Variants in SPIB observed in about 807,000 individuals in gnomAD.
The protein encoded by SPIB is transcription factor Spi-B.
Under a neutral mutation model 31.9 loss-of-function variants are expected in SPIB, and 7 were observed. The ratio of observed to expected loss-of-function variants is 0.22; its 90% CI spans 0.12 to 0.41. The LOEUF (loss-of-function observed/expected upper bound fraction) is 0.41, where lower values mean the gene tolerates loss of function less well. Ranked by LOEUF, SPIB falls within the 10% of genes least tolerant of loss-of-function variation. The pLI is 1.00. For missense variants in SPIB, 327 were observed against 360.2 expected (o/e 0.91, Z 0.75); for synonymous variants, 176 against 158.9 (o/e 1.11, Z -0.81).
chr19:50,422,726 T>C, intron 3 of SPIB, 97 bp from the exon 4 acceptor site: 1 of 1,091,910 alleles, frequency 9.2e-7, no homozygotes. Context: ...GGTCAGAGAT[T>C]TGCACAGCCT....
chr19:50,420,355 A>G (rs759616192), intron 2 of SPIB, among the ~76,000 whole-genome samples: 1 of 152,200 alleles, frequency 6.6e-6, no homozygotes, highest in East Asian at 1.9e-4. Context: ...ATGTGGTTGA[A>G]AGAAAGCCCC....
intron 3 of SPIB, 57 bp downstream of exon 3, chr19:50,422,602 G>T: frequency 6.3e-7 from 1 of 1,578,676 alleles, no homozygotes; most frequent in Non-Finnish European, 8.7e-7. Flanking sequence ...ACAGATAGGG[G>T]AGCTGAGGCC....
intron 5 of SPIB, among the ~76,000 whole-genome samples, chr19:50,426,913 T>G (rs1056549759): frequency 1.3e-5 from 2 of 151,620 alleles, no homozygotes; most frequent in Non-Finnish European, 2.9e-5. Flanking sequence ...GAGGATCACC[T>G]GAGGCCAGGA....
chr19:50,427,860 C>CG (rs2039585663), intron 5 of SPIB, among the ~76,000 whole-genome samples, 178 bp from the exon 6 acceptor site: 1 of 36,464 alleles, frequency 2.7e-5, no homozygotes, highest in African/African-American at 1.0e-4. Flanking sequence ...AGTGGCTTGC[C>CG]CCCCCCCCCC....
rs59236153 is a variant in SPIB at position 50,423,204 on chromosome 19, CAAAAAAAAAA to C, written c.339+176_339+185del. 1.6e-4 allele frequency: 45 copies of C among 285,234 alleles called. No homozygotes were observed. The Middle Eastern group carries it at 2.7e-3, about 17-fold the overall frequency. 17.7% of individuals were successfully genotyped at this position (285,234 alleles called of 1,614,324 possible). A position where few individuals can be genotyped will look rare whatever the true frequency, so the allele number is the denominator to read the frequency against. On this transcript the variant is annotated intron_variant, in intron 4 of 5. Coordinates refer to ENST00000595883, the MANE Select transcript of SPIB (RefSeq NM_003121.5). Reference sequence around the variant, plus strand: ...TGGGCAACAGAGCAAGACCCTGTCTCAAAAAAAAAAAAAAAAAAGAAAAAGAAAAGAAAAC... The same window carrying C: ...TGGGCAACAGAGCAAGACCCTGTCTCAAAAAAAAGAAAAAGAAAAGAAAAC...
intron 5 of SPIB, among the ~76,000 whole-genome samples, chr19:50,425,416 C>G (rs1428404522): frequency 1.3e-5 from 2 of 152,114 alleles, no homozygotes; most frequent in Admixed American, 1.3e-4. Context: ...CTAGGAAAGA[C>G]ACAAGATGGA....
chr19:50,428,334 T>G lies in SPIB; in HGVS notation c.787T>G (p.Ter263GlyextTer31), dbSNP rs1241636941. The G allele has an allele frequency of 3.1e-5, 48 of 1,541,854 alleles. No individual in the cohort carries two copies. The highest frequency in any genetic ancestry group is 4.2e-5 in the Non-Finnish European group (48 of 1,141,786). ...GCTGCTGCCTGCAGTCCGCCGGGCCTGAGCACACCCGAGGCTCCCACCTGC... is the reference window on the plus strand; with the variant it reads ...GCTGCTGCCTGCAGTCCGCCGGGCCGGAGCACACCCGAGGCTCCCACCTGC... ...SALLPAVRRA* is the reference protein window; with the variant it reads ...SALLPAVRRAG Residue 263 changes from the stop codon to glycine (G), a stop_lost, in exon 6 of 6, where the codon TGA becomes GGA. Coordinates refer to ENST00000595883, the MANE Select transcript of SPIB (RefSeq NM_003121.5). The surrounding 1 kb of genome is among the most constrained non-coding windows in gnomAD (Gnocchi z 6.5).
chr19:50,419,325 G>C (rs2122536249), intron 1 of SPIB, among the ~76,000 whole-genome samples: 1 of 152,168 alleles, frequency 6.6e-6, no homozygotes, highest in African/African-American at 2.4e-5. Context: ...GCATCTCCCA[G>C]CTCTCAACAT....
chr19:50,424,407 G>A (rs1321252410), intron 5 of SPIB, among the ~76,000 whole-genome samples: 1 of 152,346 alleles, frequency 6.6e-6, no homozygotes, highest in East Asian at 1.9e-4. Flanking sequence ...AGCACTTTGG[G>A]AGGCTGAGGC....
In SPIB at chr19:50,428,183, G is replaced by T; in HGVS notation, c.636G>T (p.Trp212Cys). 2 of 1,590,936 alleles carry T rather than the reference G, an allele frequency of 1.3e-6. No individual in the cohort carries two copies. The highest frequency in any genetic ancestry group is 2.3e-5 in the East Asian group (1 of 43,926). The change falls in exon 6 of 6, where the codon TGG becomes TGT. Residue 212 changes from tryptophan (W) to cysteine (C), a missense_variant. This residue lies in a region of SPIB where 54 missense variants were observed against 69.5 expected (regional missense o/e 0.78). Coordinates refer to ENST00000595883, the MANE Select transcript of SPIB (RefSeq NM_003121.5). The surrounding 1 kb of genome is among the most constrained non-coding windows in gnomAD (Gnocchi z 6.5). ...SKHKELLARR[W>C]GQQKGNRKRM... ...ACAAGGAACTCCTGGCGCGCCGCTG[G>T]GGCCAGCAGAAGGGGAACCGCAAGC...
In SPIB at chr19:50,423,651, C is replaced by T. The variant is rs962566416; in HGVS notation, c.386C>T (p.Ser129Leu). The change falls in exon 5 of 6, where the codon TCA becomes TTA. Residue 129 changes from serine to leucine, a missense_variant. Ser to Leu is a moderately radical substitution (Grantham distance 145). Transcript: ENST00000595883. ...AYAPYPSPVL[S>L]EEEDLPLDSP... ...GCCCCGTACCCCAGCCCTGTGCTAT[C>T]AGAGGAGGAAGACTTACCGTTGGAC... is the stretch of plus-strand genomic sequence containing the variant. 1.2e-6 allele frequency: 2 copies of T among 1,613,978 alleles called. No homozygotes were observed. Among genetic ancestry groups the T allele is most frequent in the Non-Finnish European group, 1.7e-6 (2 of 1,180,020 alleles).
At position 50,422,928 on chromosome 19, in the gene SPIB, G is replaced by A; in HGVS notation, c.230G>A (p.Cys77Tyr). The change falls in exon 4 of 6, where the codon TGC becomes TAC. Residue 77 changes from cysteine (C) to tyrosine (Y), a missense_variant. Cys to Tyr is a radical substitution (Grantham distance 194). This residue lies in a region of SPIB where 238 missense variants were observed against 228.8 expected (regional missense o/e 1.04). Transcript: ENST00000595883. The stretch of plus-strand genomic sequence containing the variant: ...AGCCACCCCCAGGCTGCCCAGCTCT[G>A]CTACGAACCCCCCACCTACAGCCCT... ...AFSHPQAAQL[C>Y]YEPPTYSPAG... 6.2e-7 allele frequency: 1 copy of A among 1,601,438 alleles called. No homozygotes were observed. The highest frequency in any genetic ancestry group is 8.5e-7 in the Non-Finnish European group (1 of 1,170,722).
Position 50,429,082 on chromosome 19 carries a change from G to GGACA in SPIB, c.*747_*750dup, listed in dbSNP as rs2039606796. The GGACA allele has an allele frequency of 6.6e-6, 1 of 152,058 alleles. No homozygotes were observed. The highest frequency in any genetic ancestry group is 6.6e-5 in the Admixed American group (1 of 15,258). 9.4% of individuals were successfully genotyped at this position (152,058 alleles called of 1,614,324 possible). Reference sequence around the variant, plus strand: ...ATGTGTCATGTCTGGGCCCTGTCAGGGACACCCTTGTTATATCTGGGATCC... The same window carrying GGACA: ...ATGTGTCATGTCTGGGCCCTGTCAGGGACAGACACCCTTGTTATATCTGGGATCC... On this transcript the variant is annotated 3_prime_UTR_variant, in exon 6 of 6. Transcript: ENST00000595883.
In SPIB at chr19:50,430,007, A is replaced by C. The variant is rs2039621074; in HGVS notation, c.*1671A>C. 6.6e-6 allele frequency: 1 copy of C among 152,316 alleles called. No individual in the cohort carries two copies. The highest frequency in any genetic ancestry group is 1.5e-5 in the Non-Finnish European group (1 of 68,126). The allele number at this position is 152,316 out of a possible 1,614,324, so 9.4% of individuals were successfully genotyped here. A position where few individuals can be genotyped will look rare whatever the true frequency, so the allele number is the denominator to read the frequency against. On this transcript the variant is annotated 3_prime_UTR_variant, in exon 6 of 6. Transcript: ENST00000595883. ...ACAGAGCGAGACTCCGTCTGAAAAT[A>C]AAAACAACAAAAACAGCAGACCATT...
chr19:50,425,372 A>G (rs771992353), intron 5 of SPIB, among the ~76,000 whole-genome samples: 9 of 152,212 alleles, frequency 5.9e-5, no homozygotes, highest in Non-Finnish European at 8.8e-5. Context: ...ATTTTAACTT[A>G]GGACATTTAA....
At chr19:50,426,288 G>A (rs1006496271) in intron 5 of SPIB, among the ~76,000 whole-genome samples, 1 of 152,064 alleles carries the variant, frequency 6.6e-6, no homozygotes. Flanking sequence ...GTGCCTGAGA[G>A]GGGGTCACTG....
intron 2 of SPIB, 84 bp downstream of exon 2, chr19:50,420,057 C>A: frequency 8.4e-7 from 1 of 1,188,992 alleles, no homozygotes; most frequent in Non-Finnish European, 1.1e-6. Flanking sequence ...GCCTCAGTTT[C>A]CCCTCCCACC....
At position 50,431,172 on chromosome 19, in the gene SPIB, C is replaced by A. The variant is rs1031351025; in HGVS notation, c.*2836C>A. On this transcript the variant is annotated 3_prime_UTR_variant, in exon 6 of 6. Transcript: ENST00000595883. ...AGGAGTTCAAAGAGAGAATTATATGCTGGCGCGGTGGCTCTGTAATCCCAA... is the reference window on the plus strand; with the variant it reads ...AGGAGTTCAAAGAGAGAATTATATGATGGCGCGGTGGCTCTGTAATCCCAA... 2 of 152,178 alleles carry A rather than the reference C, an allele frequency of 1.3e-5. No homozygotes were observed. Among genetic ancestry groups the A allele is most frequent in the African/African-American group, 4.8e-5 (2 of 41,408 alleles). 9.4% of individuals were successfully genotyped at this position (152,178 alleles called of 1,614,324 possible).
chr19:50,420,243 G>C lies in SPIB; in HGVS notation c.51+270G>C, dbSNP rs553270347. ...TTTTCATGTTCCTTTCCTTCTTTTT[G>C]TTCGTATTTTTAAAAATTGTGTTCT... On this transcript the variant is annotated intron_variant, in intron 2 of 5. Transcript: ENST00000595883. Among the ~76,000 whole-genome samples, 15 of 151,838 alleles carry C rather than the reference G, an allele frequency of 9.9e-5. No individual in the cohort carries two copies. In the South Asian group the frequency reaches 3.1e-3, roughly 32 times the overall value.
Sources: allele counts gnomAD v4.1 joint callset (sites outside exome capture counted in the v4.1 genomes callset), GRCh38; gene constraint gnomAD v4.1.1; regional missense constraint gnomAD v4.1.1; non-coding constraint Gnocchi (gnomAD v3.1); transcripts MANE v1.5; gene names NCBI Gene and HGNC (gene_info 2026-07-23, HGNC 2026-07-21).